The following ITFG1 variants were observed in gnomAD, a reference collection of about 807,000 sequenced individuals.
ITFG1 encodes the protein T-cell immunomodulatory protein.
A neutral mutation model predicts 81.8 loss-of-function variants in ITFG1; 34 were observed. The observed-to-expected ratio is 0.42, with a 90% CI of 0.32 to 0.55. ITFG1 has a LOEUF of 0.55. Ranked by LOEUF, ITFG1 falls within the 20% of genes least tolerant of loss-of-function variation. ITFG1 has a pLI of 0.17. For synonymous variants in ITFG1, 285 were observed against 270.6 expected (o/e 1.05, Z -0.52); for missense variants, 672 against 755.4 (o/e 0.89, Z 1.29).
At chr16:47,459,916 T>G (rs1969504883) in intron 1 of ITFG1, among the ~76,000 whole-genome samples, 1 of 152,192 alleles carries the variant, frequency 6.6e-6, no homozygotes, top group Non-Finnish European at 1.5e-5. Context: ...CTCCAAGAAG[T>G]CTGGTTCAGG....
intron 8 of ITFG1, among the ~76,000 whole-genome samples, chr16:47,327,491 A>C (rs1320140891): frequency 6.6e-6 from 1 of 152,174 alleles, no homozygotes; most frequent in Non-Finnish European, 1.5e-5. Context: ...TAATTAAACT[A>C]AAGAGCTTCT....
chr16:47,334,514 G>A (rs1362079113), intron 8 of ITFG1, among the ~76,000 whole-genome samples: 1 of 152,136 alleles, frequency 6.6e-6, no homozygotes. Flanking sequence ...AATTCCTAGA[G>A]CAAGTGATTT....
chr16:47,209,062 T>A (rs1436373153), intron 14 of ITFG1, among the ~76,000 whole-genome samples: 1 of 152,158 alleles, frequency 6.6e-6, no homozygotes, highest in East Asian at 1.9e-4. Context: ...AATTAAAAAT[T>A]GAGCCATGAG....
chr16:47,260,668 G>A lies in ITFG1; in HGVS notation c.1098C>T (p.Asn366=), dbSNP rs368492892. The part of the protein sequence containing the change: ...GSNQQAFLLE[N]VPCNNASCEE... ...CACAGCTTGCATTATTACAAGGGAC[G>A]TTCTCCAGTAAAAAGGCCTGCTGGT... The change falls in exon 11 of 18, where the codon AAC becomes AAT. Residue 366 remains asparagine, a synonymous_variant. Transcript: ENST00000320640. The A allele has an allele frequency of 6.7e-4, 1,077 of 1,614,116 alleles. 13 individuals are homozygous for A. The South Asian group carries it at 0.011, about 16-fold the overall frequency.
intron 5 of ITFG1, among the ~76,000 whole-genome samples, 160 bp downstream of exon 5, chr16:47,451,236 A>C (rs1427558586): frequency 3.3e-5 from 5 of 152,226 alleles, no homozygotes; most frequent in African/African-American, 1.2e-4. Flanking sequence ...AAGCAGGTGC[A>C]GGCCAAATCC....
intron 10 of ITFG1, among the ~76,000 whole-genome samples, chr16:47,304,752 T>G (rs1306529351): frequency 2.6e-5 from 4 of 152,188 alleles, no homozygotes; most frequent in Admixed American, 2.6e-4. Context: ...CTAGTCTGAT[T>G]CATACAGATG....
In ITFG1 at chr16:47,452,782, T is replaced by C; in HGVS notation, c.436A>G (p.Asn146Asp). Reference protein sequence around the residue: ...WGQNQTLDPNNMTILNRTFQD... With the variant: ...WGQNQTLDPNDMTILNRTFQD... The stretch of plus-strand genomic sequence containing the variant: ...AAAGTCCTATTGAGTATGGTCATAT[T>C]GTTAGGATCTGCAAAAAAGATATAT... The change falls in exon 4 of 18, where the codon AAT (asparagine) becomes GAT (aspartate). Residue 146 changes from asparagine to aspartate, a missense_variant. Physicochemically the swap from Asn to Asp is conservative, Grantham distance 23 (BLOSUM62 1). Coordinates refer to ENST00000320640, the MANE Select transcript of ITFG1 (RefSeq NM_030790.5). The C allele has an allele frequency of 6.4e-7, 1 of 1,552,360 alleles. No homozygotes were observed. Among genetic ancestry groups the C allele is most frequent in the Non-Finnish European group, 8.8e-7 (1 of 1,136,448 alleles).
intron 14 of ITFG1, among the ~76,000 whole-genome samples, chr16:47,193,945 A>G (rs1304391287): frequency 2.6e-5 from 4 of 152,214 alleles, no homozygotes; most frequent in African/African-American, 9.6e-5. Context: ...ATCTGTCTAG[A>G]ATATGAGTTT....
intron 8 of ITFG1, among the ~76,000 whole-genome samples, chr16:47,329,899 T>C (rs919798701): frequency 6.6e-6 from 1 of 152,114 alleles, no homozygotes; most frequent in Non-Finnish European, 1.5e-5. Context: ...AAATATGTGG[T>C]AGTAATTGTT....
chr16:47,343,420 C>T (rs1967810467), intron 8 of ITFG1, among the ~76,000 whole-genome samples: 1 of 151,972 alleles, frequency 6.6e-6, no homozygotes, highest in South Asian at 2.1e-4. Context: ...AATATTTTCC[C>T]ATCACATCTG....
chr16:47,251,761 G>C (rs753037437), intron 12 of ITFG1, among the ~76,000 whole-genome samples: 6 of 152,144 alleles, frequency 3.9e-5, no homozygotes, highest in Non-Finnish European at 7.3e-5. Context: ...TTACAAATTA[G>C]GCATAGTAAG....
chr16:47,349,180 A>C (rs1967909729), intron 8 of ITFG1, among the ~76,000 whole-genome samples: 1 of 152,238 alleles, frequency 6.6e-6, no homozygotes, highest in Admixed American at 6.5e-5. Context: ...AGCTAACATC[A>C]TAATGACATG....
intron 10 of ITFG1, among the ~76,000 whole-genome samples, chr16:47,291,581 T>C (rs1162504416): frequency 6.6e-6 from 1 of 152,226 alleles, no homozygotes; most frequent in Admixed American, 6.5e-5. Flanking sequence ...ATAAGATTAC[T>C]ATTTGTGTGC....
intron 12 of ITFG1, among the ~76,000 whole-genome samples, chr16:47,250,114 C>A (rs1013670262): frequency 6.6e-6 from 1 of 152,104 alleles, no homozygotes; most frequent in Admixed American, 6.6e-5. Flanking sequence ...AAGCTTTGAG[C>A]ACATGTGTAA....
chr16:47,422,218 G>T (rs1472784862), intron 6 of ITFG1, among the ~76,000 whole-genome samples: 1 of 152,124 alleles, frequency 6.6e-6, no homozygotes, highest in Non-Finnish European at 1.5e-5. Context: ...GGGTCAAATG[G>T]TATTTCTAGT....
intron 8 of ITFG1, among the ~76,000 whole-genome samples, chr16:47,360,688 T>A (rs191392163): frequency 9.9e-5 from 15 of 152,274 alleles, no homozygotes; most frequent in Admixed American, 9.2e-4. Context: ...AAATATAAAA[T>A]TTACATTTCC....
intron 6 of ITFG1, among the ~76,000 whole-genome samples, chr16:47,394,963 T>C (rs1295341867): frequency 6.6e-6 from 1 of 152,170 alleles, no homozygotes; most frequent in Non-Finnish European, 1.5e-5. Context: ...TAATACTTTT[T>C]AGATATTTTT....
At chr16:47,191,408 A>G (rs1221072230) in intron 14 of ITFG1, among the ~76,000 whole-genome samples, 2 of 150,328 alleles carry the variant, frequency 1.3e-5, no homozygotes, top group South Asian at 2.1e-4. Flanking sequence ...TTTTTTTTTA[A>G]TTTTTAGTTC....
At position 47,461,027 on chromosome 16, in the gene ITFG1, G is replaced by T; in HGVS notation, c.19C>A (p.Leu7Ile). 6.5e-7 allele frequency: 1 copy of T among 1,541,926 alleles called. No individual in the cohort carries two copies. ...GAGAAGAGGGCCCAGGAGCTCGGGA[G>T]CCGGCCCGCCGCCGCCATGGCAGCC... The part of the protein sequence containing the change: MAAAGR[L>I]PSSWALFSPL... The change falls in exon 1 of 18, where the codon CTC becomes ATC. Residue 7 changes from leucine (L) to isoleucine (I), a missense_variant. This residue lies in a region of ITFG1 where 47 missense variants were observed against 26.4 expected (regional missense o/e 1.78). Coordinates refer to ENST00000320640, the MANE Select transcript of ITFG1 (RefSeq NM_030790.5).
Sources: gnomAD v4.1 joint callset for allele counts (sites outside exome capture counted in the v4.1 genomes callset) on GRCh38, gnomAD v4.1.1 for gene constraint, gnomAD v4.1.1 regional missense constraint, MANE v1.5 for transcripts, NCBI Gene and HGNC (gene_info 2026-07-23, HGNC 2026-07-21) for gene names.